GTF2A1L: variants seen among roughly 807,000 people sequenced by gnomAD.
GTF2A1L encodes general transcription factor IIA subunit 1 like.
A neutral mutation model predicts 49.7 loss-of-function variants in GTF2A1L; 48 were observed. The observed-to-expected ratio is 0.97, with a 90% CI of 0.77 to 1.23. The LOEUF (loss-of-function observed/expected upper bound fraction) is 1.23, where lower values mean the gene tolerates loss of function less well. Ranked by LOEUF, GTF2A1L falls within the 50% of genes most tolerant of loss-of-function variation. The pLI is 0.00. For synonymous variants in GTF2A1L, 246 were observed against 193.5 expected (o/e 1.27, Z -2.25); for missense variants, 736 against 564.8 (o/e 1.30, Z -3.07).
chr2:48,633,023 G>C (rs1203709666), intron 3 of GTF2A1L: 1 of 239,306 alleles, frequency 4.2e-6, no homozygotes, highest in Non-Finnish European at 8.7e-6. Flanking sequence ...TGTCATAAAA[G>C]GTTTTACTGT....
chr2:48,627,876 C>G (rs1676372767), intron 3 of GTF2A1L, among the ~76,000 whole-genome samples: 1 of 143,512 alleles, frequency 7.0e-6, no homozygotes, highest in South Asian at 2.4e-4. Flanking sequence ...GCCTTCCTCT[C>G]ACCCTCATCC....
At chr2:48,653,427 A>G (rs1395218571) in intron 6 of GTF2A1L, among the ~76,000 whole-genome samples, 5 of 151,908 alleles carry the variant, frequency 3.3e-5, no homozygotes, top group African/African-American at 1.2e-4. Context: ...CCCTCTTTCA[A>G]CCCCCAGTTC....
intron 5 of GTF2A1L, among the ~76,000 whole-genome samples, chr2:48,645,359 G>A (rs1416511276): frequency 6.6e-6 from 1 of 152,232 alleles, no homozygotes; most frequent in African/African-American, 2.4e-5. Context: ...TTGTATAGGG[G>A]TTCTTTGTAT....
intron 6 of GTF2A1L, among the ~76,000 whole-genome samples, chr2:48,652,751 G>C (rs936188184): frequency 2.0e-5 from 3 of 151,048 alleles, no homozygotes; most frequent in Non-Finnish European, 4.4e-5. Context: ...CTGGAGTGCA[G>C]TGGTGTGATC....
Position 48,679,256 on chromosome 2 carries a change from C to T in GTF2A1L, c.1330-79C>T, listed in dbSNP as rs865865502. The T allele has an allele frequency of 6.0e-5, 92 of 1,530,854 alleles. No homozygotes were observed. In the Middle Eastern group the frequency reaches 9.6e-4, roughly 16 times the overall value. 94.8% of individuals were successfully genotyped at this position (1,530,854 alleles called of 1,614,324 possible). ...ACTCACATTTCGGGTGAGAATAATCCCATTTACTGTAGCAGAGAAATGCAG... is the reference window on the plus strand; with the variant it reads ...ACTCACATTTCGGGTGAGAATAATCTCATTTACTGTAGCAGAGAAATGCAG... On this transcript the variant is annotated intron_variant, in intron 8 of 8. Transcript: ENST00000403751.
chr2:48,651,749 G>T (rs1010916280), intron 6 of GTF2A1L, among the ~76,000 whole-genome samples: 1 of 152,140 alleles, frequency 6.6e-6, no homozygotes, highest in African/African-American at 2.4e-5. Flanking sequence ...AATTCTTCAT[G>T]CAGAATTTTT....
intron 8 of GTF2A1L, among the ~76,000 whole-genome samples, chr2:48,674,953 A>AT (rs1285205995): frequency 2.0e-5 from 3 of 152,118 alleles, no homozygotes; most frequent in Admixed American, 2.0e-4. Flanking sequence ...CCATTGAAAC[A>AT]TTTTAAAAGG....
intron 7 of GTF2A1L, among the ~76,000 whole-genome samples, chr2:48,670,378 T>TC (rs1679101380): frequency 1.4e-5 from 2 of 144,888 alleles, no homozygotes; most frequent in African/African-American, 2.5e-5. Context: ...GCAAGACTCT[T>TC]TAAAAAAAAA....
At position 48,623,859 on chromosome 2, in the gene GTF2A1L, T is replaced by C. The variant is rs564348099; in HGVS notation, c.247+2569T>C. On this transcript the variant is annotated intron_variant, in intron 3 of 8. Coordinates refer to ENST00000403751, the MANE Select transcript of GTF2A1L (RefSeq NM_006872.5). Reference sequence around the variant, plus strand: ...CTCACTTATAAATGGGAGTTAAACATTGGGTACATACAGACAGAAAGGTGC... The same window carrying C: ...CTCACTTATAAATGGGAGTTAAACACTGGGTACATACAGACAGAAAGGTGC... Among the ~76,000 whole-genome samples the C allele has an allele frequency of 3.9e-5, 6 of 152,186 alleles. 1 individual carries two copies. In the South Asian group the frequency reaches 8.3e-4, roughly 21 times the overall value.
At chr2:48,648,964 A>G (rs1287073184) in intron 6 of GTF2A1L, among the ~76,000 whole-genome samples, 1 of 152,186 alleles carries the variant, frequency 6.6e-6, no homozygotes, top group African/African-American at 2.4e-5. Context: ...ACTTAAAGCA[A>G]GTTATAATCA....
intron 8 of GTF2A1L, among the ~76,000 whole-genome samples, chr2:48,673,507 C>T (rs7569645): frequency 0.13 from 19,540 of 151,678 alleles, 1,540 homozygotes; most frequent in African/African-American, 0.22. Flanking sequence ...GGACTACAGG[C>T]GCCTGCCACC....
intron 3 of GTF2A1L, among the ~76,000 whole-genome samples, chr2:48,640,749 C>T (rs1388842963): frequency 1.3e-5 from 2 of 152,064 alleles, no homozygotes; most frequent in African/African-American, 4.8e-5. Flanking sequence ...AGTTATGACA[C>T]TTTTAGTTTG....
Position 48,669,826 on chromosome 2 carries a change from A to G in GTF2A1L, c.1083A>G (p.Ile361Met). 1.9e-6 allele frequency: 3 copies of G among 1,614,110 alleles called. No individual in the cohort carries two copies. Among genetic ancestry groups the G allele is most frequent in the Non-Finnish European group, 2.5e-6 (3 of 1,180,002 alleles). The change falls in exon 7 of 9, where the codon ATA becomes ATG. Residue 361 changes from isoleucine to methionine, a missense_variant. Transcript: ENST00000403751. ...GSGDTSSNEE[I>M]GSTRDADENE... is the part of the protein sequence containing the mutation. ...GTGATACATCTTCCAATGAAGAAAT[A>G]GGAAGTACAAGAGATGCAGATGAGA...
At chr2:48,636,614 C>T (rs556205950) in intron 3 of GTF2A1L, among the ~76,000 whole-genome samples, 2 of 152,240 alleles carry the variant, frequency 1.3e-5, no homozygotes, top group East Asian at 1.9e-4. Flanking sequence ...CATACTTTGT[C>T]TTGGTATCAT....
chr2:48,679,370 G>A lies in GTF2A1L; in HGVS notation c.1365G>A (p.Leu455=), dbSNP rs748667953. Reference sequence around the variant, plus strand: ...GCAAGAACAAATGGAAATTCTATTTGAAAGATGGTGTTATGTGTTTTGGAG... The same window carrying A: ...GCAAGAACAAATGGAAATTCTATTTAAAAGATGGTGTTATGTGTTTTGGAG... ...HRSKNKWKFY[L]KDGVMCFGGR... is the part of the protein sequence containing the mutation. The change falls in exon 9 of 9, where the codon TTG becomes TTA. Residue 455 remains leucine, a synonymous_variant. Coordinates refer to ENST00000403751, the MANE Select transcript of GTF2A1L (RefSeq NM_006872.5). 8.1e-6 allele frequency: 13 copies of A among 1,611,310 alleles called. No homozygotes were observed. The South Asian group carries it at 1.3e-4, about 16-fold the overall frequency.
chr2:48,664,486 GA>G (rs1173974687), intron 6 of GTF2A1L, among the ~76,000 whole-genome samples: 1 of 151,904 alleles, frequency 6.6e-6, no homozygotes, highest in Non-Finnish European at 1.5e-5. Flanking sequence ...TTTCGTTGTG[GA>G]TTTTTGCTTC....
At chr2:48,630,945 C>A (rs1005523931) in intron 3 of GTF2A1L, among the ~76,000 whole-genome samples, 5 of 152,004 alleles carry the variant, frequency 3.3e-5, no homozygotes, top group African/African-American at 1.2e-4. Context: ...TATGTTGAAC[C>A]AACTTTACAT....
At chr2:48,658,810 G>A (rs1488803573) in intron 6 of GTF2A1L, among the ~76,000 whole-genome samples, 2 of 151,466 alleles carry the variant, frequency 1.3e-5, no homozygotes, top group Admixed American at 1.3e-4. Flanking sequence ...AGGATCTTTT[G>A]TATTTTTGTG....
At chr2:48,660,172 C>T (rs1370691016) in intron 6 of GTF2A1L, among the ~76,000 whole-genome samples, 4 of 151,896 alleles carry the variant, frequency 2.6e-5, no homozygotes, top group Non-Finnish European at 5.9e-5. Context: ...CTGTAATGTG[C>T]TATTATATCT....
Sources: allele counts gnomAD v4.1 joint callset (sites outside exome capture counted in the v4.1 genomes callset), GRCh38; gene constraint gnomAD v4.1.1; transcripts MANE v1.5; gene names NCBI Gene and HGNC (gene_info 2026-07-23, HGNC 2026-07-21).